The following DNA2 variants were observed in gnomAD, a reference collection of about 807,000 sequenced individuals.
DNA2 encodes DNA replication helicase/nuclease 2, also known as DNA replication ATP-dependent helicase/nuclease DNA2.
A neutral mutation model predicts 119.1 loss-of-function variants in DNA2; 101 were observed. That is an observed-to-expected ratio of 0.85 (90% CI 0.72 to 1.00). The LOEUF (loss-of-function observed/expected upper bound fraction) is 1.00. Among genes scored for constraint, DNA2 ranks in the 50% least tolerant of loss-of-function variants. The pLI is 0.00. For missense variants in DNA2, 1,121 were observed against 1,255.5 expected (o/e 0.89, Z 1.62); for synonymous variants, 366 against 424.4 (o/e 0.86, Z 1.69).
At chr10:68,465,867 A>T in intron 3 of DNA2, 55 bp from the exon 4 acceptor site, 1 of 1,371,440 alleles carries the variant, frequency 7.3e-7, no homozygotes, top group East Asian at 2.6e-5. Context: ...ACACAATTGT[A>T]TATTTATTAC....
At chr10:68,444,167 G>A (rs918890262) in intron 8 of DNA2, among the ~76,000 whole-genome samples, 9 of 151,484 alleles carry the variant, frequency 5.9e-5, no homozygotes, top group African/African-American at 1.9e-4. Flanking sequence ...CGAGGTGGGC[G>A]GATCACGAGG....
chr10:68,445,162 G>T, intron 7 of DNA2, 79 bp from the exon 8 acceptor site: 1 of 1,346,708 alleles, frequency 7.4e-7, no homozygotes, highest in Non-Finnish European at 1.0e-6. Flanking sequence ...TGTAAAACTT[G>T]CAGATTTAAA....
At chr10:68,417,283 T>C (rs1452604212) in intron 19 of DNA2, among the ~76,000 whole-genome samples, 1 of 146,796 alleles carries the variant, frequency 6.8e-6, no homozygotes, top group Non-Finnish European at 1.5e-5. Context: ...ACTGAGTAGA[T>C]GAGGGATGGA....
intron 4 of DNA2, among the ~76,000 whole-genome samples, chr10:68,460,726 G>A (rs80003428): frequency 0.012 from 1,785 of 152,024 alleles, 38 homozygotes; most frequent in African/African-American, 0.04. Flanking sequence ...TAATTTTTAT[G>A]TGCATTTAAC....
intron 13 of DNA2, among the ~76,000 whole-genome samples, chr10:68,431,143 A>C (rs2051814392): frequency 6.8e-6 from 1 of 148,056 alleles, no homozygotes; most frequent in Non-Finnish European, 1.5e-5. Context: ...CCTGACTTGG[A>C]CTCCCAAAGT....
chr10:68,442,518 C>T (rs1332032258), intron 9 of DNA2, among the ~76,000 whole-genome samples: 1 of 152,152 alleles, frequency 6.6e-6, no homozygotes, highest in African/African-American at 2.4e-5. Context: ...TCCCAAGTAG[C>T]TGGGATTACA....
chr10:68,437,197 T>G lies in DNA2; in HGVS notation c.1460A>C (p.His487Pro), dbSNP rs752045519. ...TTGCCCATCACAAACTATCTTTACA[T>G]GTTCCATTCTAATCAGGTTTCCAAT... is the stretch of plus-strand genomic sequence containing the variant. ...SCIGNLIRMEHVKIVCDGQYL... is the reference protein window; with the variant it reads ...SCIGNLIRMEPVKIVCDGQYL... Residue 487 changes from histidine (H) to proline (P), a missense_variant, in exon 10 of 21, where the codon CAT becomes CCT. Physicochemically the swap from His to Pro is moderately conservative, Grantham distance 77 (BLOSUM62 -2). Transcript: ENST00000358410. 1 of 1,612,286 alleles carries G rather than the reference T, an allele frequency of 6.2e-7. No individual in the cohort carries two copies. The highest frequency in any genetic ancestry group is 1.1e-5 in the South Asian group (1 of 91,026).
chr10:68,469,293 C>G (rs1262012257), intron 2 of DNA2, among the ~76,000 whole-genome samples: 1 of 151,542 alleles, frequency 6.6e-6, no homozygotes. Flanking sequence ...CGCCTGTAAT[C>G]CCACCACTTT....
rs1265517970 is a variant in DNA2, at chr10:68,445,005, T to C, written c.1136A>G (p.Gln379Arg). ...AATTATTTGTGGCAAAGAAGCAAGC[T>C]GTGTCTTCTGTCTAGTAGCAGATTT... ...ISKSATRQKT[Q>R]LASLPQIIEE... The change falls in exon 8 of 21, where the codon CAG becomes CGG. Residue 379 changes from glutamine to arginine, a missense_variant. Transcript: ENST00000358410. 1.9e-6 allele frequency: 3 copies of C among 1,613,486 alleles called. No homozygotes were observed. The highest frequency in any genetic ancestry group is 2.2e-5 in the South Asian group (2 of 91,062).
intron 5 of DNA2, among the ~76,000 whole-genome samples, chr10:68,453,909 A>G (rs938203189): frequency 2.6e-5 from 4 of 152,200 alleles, no homozygotes; most frequent in African/African-American, 9.6e-5. Flanking sequence ...ATTGTATATA[A>G]AATGTATATA....
In DNA2 at chr10:68,430,306, C is replaced by G; in HGVS notation, c.2208+130G>C. ...GCAAACTATAAGTTAATAAACTGGT[C>G]GTATAGTACATATAAATTAATCATG... On this transcript the variant is annotated intron_variant, in intron 14 of 20. Transcript: ENST00000358410. The G allele has an allele frequency of 4.5e-6, 3 of 664,472 alleles. No individual in the cohort carries two copies. The South Asian group carries it at 6.0e-5, about 13-fold the overall frequency. The allele number at this position is 664,472 out of a possible 1,614,324, so 41.2% of individuals were successfully genotyped here. A position where few individuals can be genotyped will look rare whatever the true frequency, so the allele number is the denominator to read the frequency against.
chr10:68,439,115 C>T (rs530813598), intron 9 of DNA2, among the ~76,000 whole-genome samples: 141 of 151,428 alleles, frequency 9.3e-4, no homozygotes, highest in Non-Finnish European at 1.6e-3. Context: ...ACATTTGAGG[C>T]CAAGTGTAGT....
intron 4 of DNA2, 98 bp from the exon 5 acceptor site, chr10:68,459,333 A>T: frequency 1.5e-6 from 2 of 1,302,870 alleles, no homozygotes; most frequent in Non-Finnish European, 2.0e-6. Context: ...AAAGTAAACG[A>T]GGACAAAAAA....
chr10:68,424,799 C>T (rs917726204), intron 14 of DNA2: 12 of 1,151,194 alleles, frequency 1.0e-5, no homozygotes, highest in Non-Finnish European at 1.6e-5. Flanking sequence ...AAGATGTCAT[C>T]TACACTGAGC....
chr10:68,415,022 G>A lies in DNA2; in HGVS notation c.*17C>T. On this transcript the variant is annotated 3_prime_UTR_variant, in exon 21 of 21. Coordinates refer to ENST00000358410, the MANE Select transcript of DNA2 (RefSeq NM_001080449.3). ...GGAGATACTGCCCTAGTATGAAAAG[G>A]CAAGGGAAATAGTGTTTTATTCTCT... 1 of 1,545,658 alleles carries A rather than the reference G, an allele frequency of 6.5e-7. No homozygotes were observed. Among genetic ancestry groups the A allele is most frequent in the Non-Finnish European group, 8.8e-7 (1 of 1,134,020 alleles).
At chr10:68,457,737 GAAAA>G (rs74318507) in intron 5 of DNA2, among the ~76,000 whole-genome samples, 1 of 96,718 alleles carries the variant, frequency 1.0e-5, no homozygotes, top group African/African-American at 4.1e-5. Flanking sequence ...GCCACTTTGA[GAAAA>G]AAAAAAAAAA....
At chr10:68,431,618 A>G (rs149459205) in intron 13 of DNA2, among the ~76,000 whole-genome samples, 1 of 152,348 alleles carries the variant, frequency 6.6e-6, no homozygotes, top group Non-Finnish European at 1.5e-5. Context: ...AGGAAAACAT[A>G]TAGTGATAAA....
intron 14 of DNA2, among the ~76,000 whole-genome samples, chr10:68,428,644 AG>A (rs1375930476): frequency 1.3e-5 from 2 of 152,226 alleles, no homozygotes; most frequent in African/African-American, 4.8e-5. Flanking sequence ...GGCAACAAAA[AG>A]GAACAAACTA....
chr10:68,422,126 T>C, intron 17 of DNA2, 99 bp downstream of exon 17: 1 of 1,043,746 alleles, frequency 9.6e-7, no homozygotes, highest in Non-Finnish European at 1.3e-6. Context: ...TTTTGCCTTT[T>C]AACTGATAAG....
Sources: allele counts gnomAD v4.1 joint callset (sites outside exome capture counted in the v4.1 genomes callset), GRCh38; gene constraint gnomAD v4.1.1; transcripts MANE v1.5; gene names NCBI Gene and HGNC (gene_info 2026-07-23, HGNC 2026-07-21).